Variants in SYN2 observed in about 807,000 individuals in gnomAD.
The protein encoded by SYN2 is synapsin-2.
In SYN2, 19 loss-of-function variants were observed where a neutral mutation model predicts 50.9. The ratio of observed to expected loss-of-function variants is 0.37; its 90% CI spans 0.26 to 0.55. The LOEUF (loss-of-function observed/expected upper bound fraction) is 0.55, where lower values mean the gene tolerates loss of function less well. Among genes scored for constraint, SYN2 ranks in the 20% least tolerant of loss-of-function variants. SYN2 has a pLI of 0.81. For missense variants in SYN2, 587 were observed against 576.4 expected, an observed-to-expected ratio of 1.02 and a Z score of -0.19; for synonymous variants, 255 against 224.9, an observed-to-expected ratio of 1.13 and a Z score of -1.20.
intron 1 of SYN2, among the ~76,000 whole-genome samples, chr3:12,133,126 A>G (rs1696828161): frequency 6.6e-6 from 1 of 152,246 alleles, no homozygotes; most frequent in Non-Finnish European, 1.5e-5. Context: ...CATCATTTAT[A>G]TGAATGTTAA....
chr3:12,176,526 T>C (rs1698071969), intron 10 of SYN2, among the ~76,000 whole-genome samples: 4 of 152,176 alleles, frequency 2.6e-5, no homozygotes, highest in Non-Finnish European at 5.9e-5. Flanking sequence ...CTAAGACTTA[T>C]TCTTTGGAAG....
intron 1 of SYN2, among the ~76,000 whole-genome samples, chr3:12,017,357 A>G (rs559471871): frequency 6.6e-6 from 1 of 152,332 alleles, no homozygotes; most frequent in South Asian, 2.1e-4. Flanking sequence ...CTATTAACCT[A>G]ATTTTACAAA....
chr3:12,189,039 C>T (rs1698398685), intron 12 of SYN2, among the ~76,000 whole-genome samples: 1 of 152,222 alleles, frequency 6.6e-6, no homozygotes, highest in Admixed American at 6.5e-5. Context: ...TCGTTCCCAG[C>T]CCTAATGAAA....
chr3:12,160,037 C>T lies in SYN2; in HGVS notation c.775-1509C>T, dbSNP rs1295333764. Among the ~76,000 whole-genome samples the T allele has an allele frequency of 8.5e-5, 9 of 105,400 alleles. No individual in the cohort carries two copies. In the South Asian group the frequency reaches 1.4e-3, roughly 16 times the overall value. 69.1% of individuals were successfully genotyped at this position (105,400 alleles called of 152,430 possible). On this transcript the variant is annotated intron_variant, in intron 5 of 12. Transcript: ENST00000621198. ...CAGTCTGGGCGACAGAGTGAGACTCCGTCTCAAAAAAAAAAAAAAAAAAAA... is the reference window on the plus strand; with the variant it reads ...CAGTCTGGGCGACAGAGTGAGACTCTGTCTCAAAAAAAAAAAAAAAAAAAA...
At chr3:12,150,251 G>A (rs914669117) in intron 4 of SYN2, among the ~76,000 whole-genome samples, 1 of 152,214 alleles carries the variant, frequency 6.6e-6, no homozygotes, top group Non-Finnish European at 1.5e-5. Flanking sequence ...AGAGAGATGT[G>A]TTTCCTCTGC....
intron 1 of SYN2, among the ~76,000 whole-genome samples, chr3:12,039,159 G>T (rs376364969): frequency 6.6e-6 from 1 of 152,038 alleles, no homozygotes; most frequent in Non-Finnish European, 1.5e-5. Flanking sequence ...CTATTGATAC[G>T]ATTATTTAGT....
chr3:12,101,115 C>G (rs961038258), intron 1 of SYN2, among the ~76,000 whole-genome samples: 1 of 152,186 alleles, frequency 6.6e-6, no homozygotes, highest in Non-Finnish European at 1.5e-5. Context: ...ATGATCCAGA[C>G]ATTTTGCTCT....
intron 1 of SYN2, among the ~76,000 whole-genome samples, chr3:12,099,030 T>G (rs554383811): frequency 1.3e-5 from 2 of 152,106 alleles, no homozygotes; most frequent in East Asian, 3.9e-4. Flanking sequence ...ATTATGATCA[T>G]ATACGCACCT....
At chr3:12,056,828 G>T (rs1220069302) in intron 1 of SYN2, among the ~76,000 whole-genome samples, 3 of 152,118 alleles carry the variant, frequency 2.0e-5, no homozygotes, top group Non-Finnish European at 4.4e-5. Context: ...ATAGTATCTA[G>T]CCTTCAGTTA....
At chr3:12,113,839 A>G (rs983578496) in intron 1 of SYN2, among the ~76,000 whole-genome samples, 1 of 152,108 alleles carries the variant, frequency 6.6e-6, no homozygotes, top group Admixed American at 6.6e-5. Context: ...TTGTTTATCC[A>G]TTCATCAGTT....
chr3:12,116,923 A>AT (rs1191846857), intron 1 of SYN2, among the ~76,000 whole-genome samples: 4 of 151,208 alleles, frequency 2.6e-5, no homozygotes, highest in South Asian at 2.1e-4. Flanking sequence ...CTAATTTTTT[A>AT]TTTTTTTTGT....
intron 11 of SYN2, 152 bp downstream of exon 11, chr3:12,183,524 C>T (rs1698270839): frequency 6.4e-7 from 1 of 1,554,976 alleles, no homozygotes; most frequent in Non-Finnish European, 8.7e-7. Flanking sequence ...AACAGACCCT[C>T]CCACTGGTGC....
intron 1 of SYN2, among the ~76,000 whole-genome samples, chr3:12,103,747 A>G (rs920312072): frequency 6.6e-6 from 1 of 152,226 alleles, no homozygotes; most frequent in Non-Finnish European, 1.5e-5. Flanking sequence ...AATAGCATGT[A>G]TAAAACTTCC....
intron 1 of SYN2, among the ~76,000 whole-genome samples, chr3:12,056,569 T>C (rs188761491): frequency 4.3e-4 from 66 of 152,308 alleles, no homozygotes; most frequent in African/African-American, 1.4e-3. Flanking sequence ...ATTAAAAATA[T>C]TTTTGCCTAA....
chr3:12,067,584 A>G (rs1257954384), intron 1 of SYN2, among the ~76,000 whole-genome samples: 1 of 150,956 alleles, frequency 6.6e-6, no homozygotes, highest in African/African-American at 2.4e-5. Context: ...TCATCTGCAT[A>G]TTACAAGCTC....
intron 1 of SYN2, among the ~76,000 whole-genome samples, chr3:12,022,610 A>G (rs1482110003): frequency 1.3e-5 from 2 of 151,722 alleles, no homozygotes; most frequent in African/African-American, 4.8e-5. Context: ...GGGTTTCACC[A>G]TATTTACCAA....
intron 1 of SYN2, among the ~76,000 whole-genome samples, chr3:12,080,693 T>C (rs1266124170): frequency 6.6e-6 from 1 of 152,232 alleles, no homozygotes; most frequent in East Asian, 1.9e-4. Context: ...TCAGTTCTTT[T>C]GCATTTGCTG....
intron 1 of SYN2, among the ~76,000 whole-genome samples, chr3:12,053,771 A>G (rs1694924601): frequency 6.6e-6 from 1 of 152,188 alleles, no homozygotes; most frequent in African/African-American, 2.4e-5. Context: ...AAATTTTTGT[A>G]TGCCTCAAGT....
intron 11 of SYN2, 35 bp downstream of exon 11, chr3:12,183,407 T>A: frequency 6.2e-7 from 1 of 1,613,584 alleles, no homozygotes; most frequent in South Asian, 1.1e-5. Context: ...GTAATGGCAT[T>A]GCAGTAGGGC....
Sources: allele counts gnomAD v4.1 joint callset (sites outside exome capture counted in the v4.1 genomes callset), GRCh38; gene constraint gnomAD v4.1.1; transcripts MANE v1.5; gene names NCBI Gene and HGNC (gene_info 2026-07-23, HGNC 2026-07-21).